The following CSNK1E variants were observed in gnomAD, a reference collection of about 807,000 sequenced individuals.
The protein encoded by CSNK1E is casein kinase I isoform epsilon.
In CSNK1E, 17 loss-of-function variants were observed where a neutral mutation model predicts 46.1. The observed-to-expected ratio is 0.37, with a 90% CI of 0.25 to 0.55. CSNK1E has a LOEUF of 0.55. Ranked by LOEUF, CSNK1E falls within the 20% of genes least tolerant of loss-of-function variation. The pLI is 0.82. For missense variants in CSNK1E, 386 were observed against 595.4 expected (o/e 0.65, Z 3.66); for synonymous variants, 241 against 242.6 (o/e 0.99, Z 0.06).
chr22:38,294,644 A>C lies in CSNK1E; in HGVS notation c.886-110T>G. 1.9e-6 allele frequency: 2 copies of C among 1,052,982 alleles called. No individual in the cohort carries two copies. The highest frequency in any genetic ancestry group is 2.7e-6 in the Non-Finnish European group (2 of 743,530). The allele number at this position is 1,052,982 out of a possible 1,614,324, so 65.2% of individuals were successfully genotyped here. ...AGGGAGGCCAGGTGGATATCTCAGA[A>C]ACCTTCTGCTCCAGCCTCCCTGACA... is the stretch of plus-strand genomic sequence containing the variant. On this transcript the variant is annotated intron_variant, in intron 7 of 10. Coordinates refer to ENST00000396832, the MANE Select transcript of CSNK1E (RefSeq NM_152221.3). The surrounding 1 kb of genome is among the most constrained non-coding windows in gnomAD (Gnocchi z 5.5).
chr22:38,296,181 T>A (rs562070110), intron 7 of CSNK1E: 1 of 1,014,374 alleles, frequency 9.9e-7, no homozygotes, highest in African/African-American at 1.7e-5. Context: ...ATCCAACCCA[T>A]AGGACGCAAG....
At chr22:38,305,663 AG>A (rs2092695503) in intron 2 of CSNK1E, among the ~76,000 whole-genome samples, 2 of 152,188 alleles carry the variant, frequency 1.3e-5, no homozygotes, top group South Asian at 4.1e-4. Flanking sequence ...TTAATAGAAA[AG>A]CCTTACTCAT....
At chr22:38,299,152 A>C (rs2092657507) in intron 6 of CSNK1E, among the ~76,000 whole-genome samples, 1 of 152,206 alleles carries the variant, frequency 6.6e-6, no homozygotes, top group South Asian at 2.1e-4. Flanking sequence ...GAGCAAGGGA[A>C]GACCTGCGAA....
intron 4 of CSNK1E, among the ~76,000 whole-genome samples, chr22:38,302,628 G>A (rs1426728918): frequency 2.0e-5 from 3 of 152,180 alleles, no homozygotes; most frequent in Non-Finnish European, 2.9e-5. Context: ...GGAGAATCGC[G>A]TGAACCTGGG....
chr22:38,306,031 G>C (rs936840754), intron 2 of CSNK1E, among the ~76,000 whole-genome samples: 3 of 152,274 alleles, frequency 2.0e-5, no homozygotes, highest in East Asian at 3.9e-4. Context: ...ATTAAATAAA[G>C]AATAGCCCAT....
chr22:38,298,224 A>G lies in CSNK1E; in HGVS notation c.885+562T>C. On this transcript the variant is annotated intron_variant, in intron 7 of 10. Transcript: ENST00000396832. The surrounding 1 kb of genome is among the most constrained non-coding windows in gnomAD (Gnocchi z 4.2). The stretch of plus-strand genomic sequence containing the variant: ...GCCCCCTTTTCCAGAAGAGATGTGA[A>G]ACAAGACATACAATTTCACAGATTC... The G allele has an allele frequency of 1.5e-6, 2 of 1,301,982 alleles. No homozygotes were observed. The highest frequency in any genetic ancestry group is 2.0e-6 in the Non-Finnish European group (2 of 987,708). 80.7% of individuals were successfully genotyped at this position (1,301,982 alleles called of 1,614,324 possible).
chr22:38,297,658 G>T, intron 7 of CSNK1E: 25 of 992,836 alleles, frequency 2.5e-5, no homozygotes, highest in Non-Finnish European at 3.0e-5. Flanking sequence ...CGCCAACGGG[G>T]TCTAGCTATG....
intron 4 of CSNK1E, among the ~76,000 whole-genome samples, chr22:38,301,511 C>A (rs574589773): frequency 6.6e-6 from 1 of 152,202 alleles, no homozygotes; most frequent in South Asian, 2.1e-4. Context: ...CGGCTCACTG[C>A]AACTTCTGCC....
chr22:38,313,163 G>A (rs768067469), intron 2 of CSNK1E, among the ~76,000 whole-genome samples: 3 of 152,176 alleles, frequency 2.0e-5, no homozygotes, highest in Non-Finnish European at 4.4e-5. Flanking sequence ...CTGAGCTGAT[G>A]GACACGACAC....
Position 38,298,188 on chromosome 22 carries a change from G to A in CSNK1E, c.885+598C>T. ...ATGGGGCTGTCACGGGGCTGAGCCTGGCTCGAGGAAGCCCCCTTTTCCAGA... is the reference window on the plus strand; with the variant it reads ...ATGGGGCTGTCACGGGGCTGAGCCTAGCTCGAGGAAGCCCCCTTTTCCAGA... On this transcript the variant is annotated intron_variant, in intron 7 of 10. Coordinates refer to ENST00000396832, the MANE Select transcript of CSNK1E (RefSeq NM_152221.3). This position sits in a 1 kb window ranked among gnomAD's most constrained non-coding sequence, Gnocchi z 4.2. 4 of 1,303,912 alleles carry A rather than the reference G, an allele frequency of 3.1e-6. No homozygotes were observed. The highest frequency in any genetic ancestry group is 4.0e-6 in the Non-Finnish European group (4 of 988,802). The allele number at this position is 1,303,912 out of a possible 1,614,324, so 80.8% of individuals were successfully genotyped here.
intron 2 of CSNK1E, among the ~76,000 whole-genome samples, chr22:38,304,085 G>A (rs1416582606): frequency 6.6e-6 from 1 of 152,188 alleles, no homozygotes; most frequent in Admixed American, 6.5e-5. Context: ...TTCCCTGGCT[G>A]TATGGGTGGA....
At chr22:38,296,061 C>T in intron 7 of CSNK1E, 1 of 602,686 alleles carries the variant, frequency 1.7e-6, no homozygotes, top group Non-Finnish European at 2.1e-6. Context: ...GGTGTGGAGC[C>T]CTGCAGCCAG....
chr22:38,308,428 G>A (rs1231251114), intron 2 of CSNK1E, among the ~76,000 whole-genome samples: 1 of 152,040 alleles, frequency 6.6e-6, no homozygotes. Flanking sequence ...GCAGGAGAGT[G>A]CAGCGGTTGA....
intron 6 of CSNK1E, 122 bp downstream of exon 6, chr22:38,299,773 G>T: frequency 8.9e-7 from 1 of 1,127,610 alleles, no homozygotes; most frequent in Non-Finnish European, 1.3e-6. Context: ...CTCCCAAAGT[G>T]CCAGGACTGC....
chr22:38,316,535 TAG>T (rs2092746945), intron 1 of CSNK1E: 2 of 152,238 alleles, frequency 1.3e-5, no homozygotes, highest in Admixed American at 6.5e-5. Flanking sequence ...TTGCGTTCCT[TAG>T]AGACTTGCAA....
Position 38,298,874 on chromosome 22 carries a change from T to C in CSNK1E, c.797A>G (p.Tyr266Cys). 3 of 1,612,946 alleles carry C rather than the reference T, an allele frequency of 1.9e-6. No individual in the cohort carries two copies. Among genetic ancestry groups the C allele is most frequent in the Non-Finnish European group, 2.5e-6 (3 of 1,179,226 alleles). ...RSLRFDDKPD[Y>C]SYLRQLFRNL... ...GCGGAAGAGCTGACGTAGGTAAGAG[T>C]AGTCGGGCTTGTCGTCAAACCGCAG... Residue 266 changes from tyrosine (Y) to cysteine (C), a missense_variant, in exon 7 of 11, where the codon TAC becomes TGC. Tyr to Cys is a radical substitution (Grantham distance 194). Coordinates refer to ENST00000396832, the MANE Select transcript of CSNK1E (RefSeq NM_152221.3). This position sits in a 1 kb window ranked among gnomAD's most constrained non-coding sequence, Gnocchi z 4.2.
At chr22:38,307,859 CT>C (rs2092705217) in intron 2 of CSNK1E, among the ~76,000 whole-genome samples, 1 of 152,192 alleles carries the variant, frequency 6.6e-6, no homozygotes, top group African/African-American at 2.4e-5. Context: ...CCACACCTGG[CT>C]AATTTTTGTA....
chr22:38,295,216 G>C (rs2092633853), intron 7 of CSNK1E, among the ~76,000 whole-genome samples: 1 of 152,190 alleles, frequency 6.6e-6, no homozygotes, highest in Non-Finnish European at 1.5e-5. Flanking sequence ...GAAGAAAATG[G>C]GGCCACGTTC....
chr22:38,298,039 C>G lies in CSNK1E; in HGVS notation c.885+747G>C. 8.5e-7 allele frequency: 1 copy of G among 1,173,998 alleles called. No individual in the cohort carries two copies. Among genetic ancestry groups the G allele is most frequent in the Non-Finnish European group, 1.1e-6 (1 of 924,660 alleles). The allele number at this position is 1,173,998 out of a possible 1,614,324, so 72.7% of individuals were successfully genotyped here. ...AGCACAGCTGAGGCTCAGCCTCTTGCGCTCACTGGTCAAGTGGCAAATTTT... is the reference window on the plus strand; with the variant it reads ...AGCACAGCTGAGGCTCAGCCTCTTGGGCTCACTGGTCAAGTGGCAAATTTT... On this transcript the variant is annotated intron_variant, in intron 7 of 10. Coordinates refer to ENST00000396832, the MANE Select transcript of CSNK1E (RefSeq NM_152221.3). The surrounding 1 kb of genome is among the most constrained non-coding windows in gnomAD (Gnocchi z 4.2).
Sources: allele counts gnomAD v4.1 joint callset (sites outside exome capture counted in the v4.1 genomes callset), GRCh38; gene constraint gnomAD v4.1.1; non-coding constraint Gnocchi (gnomAD v3.1); transcripts MANE v1.5; gene names NCBI Gene and HGNC (gene_info 2026-07-23, HGNC 2026-07-21).